Variants in CATSPERT observed in about 807,000 individuals in gnomAD.
CATSPERT encodes catsper channel auxiliary subunit tau.
At chr2:201,545,941 G>A in the CATSPERT span, among the ~76,000 whole-genome samples, 1 of 152,098 alleles carries the variant, frequency 6.6e-6, no homozygotes. Context: ...TGTAACTTCA[G>A]GGGGTATGAG....
At chr2:201,551,642 T>A in the CATSPERT span, among the ~76,000 whole-genome samples, 1 of 152,186 alleles carries the variant, frequency 6.6e-6, no homozygotes, top group South Asian at 2.1e-4. Flanking sequence ...GTGACACTAA[T>A]CAACTCTGCG....
chr2:201,565,792 A>C, the CATSPERT span: 3 of 1,610,578 alleles, frequency 1.9e-6, no homozygotes, highest in African/African-American at 4.0e-5. Flanking sequence ...GGAGGATTGC[A>C]CAGCTGGAGT....
chr2:201,569,959 A>T, the CATSPERT span, among the ~76,000 whole-genome samples: 1 of 152,152 alleles, frequency 6.6e-6, no homozygotes, highest in African/African-American at 2.4e-5. Flanking sequence ...GAAGTGGTGG[A>T]TCACTTGAGC....
chr2:201,598,421 G>T, the CATSPERT span, among the ~76,000 whole-genome samples: 1 of 149,454 alleles, frequency 6.7e-6, no homozygotes, highest in Non-Finnish European at 1.5e-5. Context: ...ATTTTGTTTT[G>T]TTTTTAAGAA....
the CATSPERT span, chr2:201,601,859 T>C: frequency 6.2e-7 from 1 of 1,603,162 alleles, no homozygotes; most frequent in Non-Finnish European, 8.5e-7. Context: ...TGCGAATGAA[T>C]AAATTAGCAT....
At chr2:201,496,638 C>G in the CATSPERT span, among the ~76,000 whole-genome samples, 1 of 152,134 alleles carries the variant, frequency 6.6e-6, no homozygotes, top group Non-Finnish European at 1.5e-5. Context: ...CCACCGCGCC[C>G]GGCCATAGAT....
chr2:201,514,170 G>A, the CATSPERT span, among the ~76,000 whole-genome samples: 2 of 152,054 alleles, frequency 1.3e-5, no homozygotes, highest in Non-Finnish European at 2.9e-5. Context: ...CTAGAATACT[G>A]AAGGGGGGAG....
chr2:201,489,541 G>A, the CATSPERT span, among the ~76,000 whole-genome samples: 1 of 152,074 alleles, frequency 6.6e-6, no homozygotes, highest in Non-Finnish European at 1.5e-5. Flanking sequence ...TATATAGTGT[G>A]TATAATATAT....
At chr2:201,491,412 CTG>C in the CATSPERT span, 1 of 1,537,150 alleles carries the variant, frequency 6.5e-7, no homozygotes, top group Non-Finnish European at 8.7e-7. Context: ...ATTGGAATGA[CTG>C]TATTTCAGGG....
At chr2:201,494,345 T>A in the CATSPERT span, 1 of 1,537,034 alleles carries the variant, frequency 6.5e-7, no homozygotes, top group Non-Finnish European at 8.7e-7. Context: ...AAATATTCTA[T>A]ATGGGGGGTA....
At chr2:201,542,686 G>C in the CATSPERT span, among the ~76,000 whole-genome samples, 1 of 152,140 alleles carries the variant, frequency 6.6e-6, no homozygotes, top group Admixed American at 6.5e-5. Flanking sequence ...CAAGTGCTCA[G>C]TCCATTTTTT....
At chr2:201,607,498 G>T in the CATSPERT span, among the ~76,000 whole-genome samples, 1 of 152,066 alleles carries the variant, frequency 6.6e-6, no homozygotes, top group East Asian at 1.9e-4. Context: ...CTCTACAAAA[G>T]ATAAAAGTAA....
the CATSPERT span, among the ~76,000 whole-genome samples, chr2:201,561,704 T>A: frequency 6.6e-6 from 1 of 152,042 alleles, no homozygotes; most frequent in African/African-American, 2.4e-5. Context: ...AAACCCCATC[T>A]CCACTAAAAG....
At chr2:201,611,672 C>A in the CATSPERT span, among the ~76,000 whole-genome samples, 1 of 144,664 alleles carries the variant, frequency 6.9e-6, no homozygotes, top group Non-Finnish European at 1.5e-5. Context: ...CTAAGGATTG[C>A]ACAGCAAAAA....
the CATSPERT span, among the ~76,000 whole-genome samples, chr2:201,500,980 AT>A: frequency 6.6e-6 from 1 of 152,206 alleles, no homozygotes; most frequent in Non-Finnish European, 1.5e-5. Flanking sequence ...CACAGAAGAA[AT>A]TACAAGAAAA....
chr2:201,526,173 A>C, the CATSPERT span, among the ~76,000 whole-genome samples: 1 of 152,138 alleles, frequency 6.6e-6, no homozygotes, highest in South Asian at 2.1e-4. Context: ...AACAACAACA[A>C]TTTCAGGTCA....
the CATSPERT span, among the ~76,000 whole-genome samples, chr2:201,564,573 A>C: frequency 6.6e-6 from 1 of 152,170 alleles, no homozygotes; most frequent in African/African-American, 2.4e-5. Context: ...CTAATCCCTT[A>C]TGTGATGCTA....
the CATSPERT span, among the ~76,000 whole-genome samples, chr2:201,601,122 C>T: frequency 6.6e-6 from 1 of 151,984 alleles, no homozygotes; most frequent in Non-Finnish European, 1.5e-5. Context: ...TAGTAAGTGC[C>T]GGTGTGTGAG....
the CATSPERT span, chr2:201,565,769 C>T: frequency 6.3e-7 from 1 of 1,598,338 alleles, no homozygotes; most frequent in Non-Finnish European, 8.5e-7. Flanking sequence ...AGTCGCACTA[C>T]AGATGGCTGG....
Sources: gnomAD v4.1 joint callset for allele counts (sites outside exome capture counted in the v4.1 genomes callset) on GRCh38, gnomAD v4.1.1 for gene constraint, MANE v1.5 for transcripts, NCBI Gene and HGNC (gene_info 2026-07-23, HGNC 2026-07-21) for gene names.